The following EYS variants were observed in gnomAD, a reference collection of about 807,000 sequenced individuals.
EYS encodes protein eyes shut homolog.
Under a neutral mutation model 282.1 loss-of-function variants are expected in EYS, and 250 were observed. The ratio of observed to expected loss-of-function variants is 0.89; its 90% confidence interval spans 0.80 to 0.98. The LOEUF (loss-of-function observed/expected upper bound fraction) is 0.98, where lower values mean the gene tolerates loss of function less well. EYS is among the 50% of genes least tolerant of loss of function. The pLI, the probability that EYS is intolerant of heterozygous loss-of-function variation, is 0.00. For missense variants in EYS, 4,016 were observed against 3,709.0 expected (o/e 1.08, Z -2.15); for synonymous variants, 1,355 against 1,282.9 (o/e 1.06, Z -1.20).
chr6:63,804,877 G>C (rs1770864675), intron 37 of EYS, among the ~76,000 whole-genome samples: 1 of 152,210 alleles, frequency 6.6e-6, no homozygotes, highest in African/African-American at 2.4e-5. Context: ...AAGAGGTCAT[G>C]AGGTTTCAGC....
chr6:64,881,122 C>G (rs918867078), intron 19 of EYS, among the ~76,000 whole-genome samples: 1 of 151,722 alleles, frequency 6.6e-6, no homozygotes, highest in Non-Finnish European at 1.5e-5. Context: ...ACAAGTTCAC[C>G]TCATGTCTCA....
At chr6:65,329,705 A>T (rs1454537142) in intron 11 of EYS, 2 of 979,024 alleles carry the variant, frequency 2.0e-6, no homozygotes, top group African/African-American at 3.5e-5. Context: ...CACGGACATC[A>T]CGGCAGAAAT....
intron 22 of EYS, among the ~76,000 whole-genome samples, chr6:64,671,388 C>A (rs1287354368): frequency 5.3e-5 from 8 of 152,080 alleles, no homozygotes; most frequent in Admixed American, 6.6e-5. Context: ...ATTTAAGAAC[C>A]AGAGAGAGAG....
At position 65,427,273 on chromosome 6, in the gene EYS, C is replaced by A. The variant is rs76726601; in HGVS notation, c.863-21906G>T. 3.4e-3 allele frequency among the ~76,000 whole-genome samples: 524 copies of A among 151,996 alleles called. 4 individuals carry two copies. The highest frequency in any genetic ancestry group is 0.011 in the African/African-American group (470 of 41,516). ...ATTTTAGCACATTTCTTGGAAAATT[C>A]TTTTGGAATATTAATTAAAATTATA... On this transcript the variant is annotated intron_variant, in intron 5 of 42. Transcript: ENST00000503581.
chr6:64,525,256 A>G (rs139327741), intron 26 of EYS, among the ~76,000 whole-genome samples: 2,471 of 151,942 alleles, frequency 0.016, 23 homozygotes, highest in South Asian at 0.035. Flanking sequence ...TCACAAGAGC[A>G]AGACATGAAA....
At chr6:64,797,424 A>G (rs914633597) in intron 22 of EYS, among the ~76,000 whole-genome samples, 1 of 152,020 alleles carries the variant, frequency 6.6e-6, no homozygotes, top group Non-Finnish European at 1.5e-5. Context: ...ATGGACCCAT[A>G]CGTTTGAAAT....
At chr6:64,996,087 A>C (rs1408694715) in intron 14 of EYS, among the ~76,000 whole-genome samples, 2 of 152,148 alleles carry the variant, frequency 1.3e-5, no homozygotes, top group Non-Finnish European at 2.9e-5. Flanking sequence ...TAGATGATTT[A>C]CCTGCAAGTA....
intron 29 of EYS, among the ~76,000 whole-genome samples, chr6:64,341,593 C>T (rs556236306): frequency 6.6e-6 from 1 of 151,812 alleles, no homozygotes; most frequent in East Asian, 2.0e-4. Flanking sequence ...CCATTGGGTA[C>T]TATGCTCACT....
intron 31 of EYS, among the ~76,000 whole-genome samples, chr6:64,203,315 T>G (rs375394821): frequency 3.5e-4 from 53 of 152,286 alleles, no homozygotes; most frequent in African/African-American, 1.2e-3. Flanking sequence ...TGGGCAAGCC[T>G]TGGCAGTAGT....
At chr6:64,903,332 A>G (rs998546419) in intron 16 of EYS, among the ~76,000 whole-genome samples, 1 of 152,150 alleles carries the variant, frequency 6.6e-6, no homozygotes, top group African/African-American at 2.4e-5. Context: ...ACATTACACA[A>G]TATTCTAAAT....
intron 2 of EYS, among the ~76,000 whole-genome samples, chr6:65,566,093 A>AT (rs1171770330): frequency 1.0e-5 from 1 of 99,108 alleles, no homozygotes; most frequent in South Asian, 3.2e-4. Flanking sequence ...AACTGAAAGT[A>AT]TTAAAAAAAA....
chr6:64,022,330 G>T (rs571046649), intron 33 of EYS, among the ~76,000 whole-genome samples: 1 of 152,108 alleles, frequency 6.6e-6, no homozygotes, highest in Non-Finnish European at 1.5e-5. Flanking sequence ...TGTCTAAAAT[G>T]TTCTCAGCAC....
At chr6:64,415,574 C>A (rs1023998697) in intron 28 of EYS, among the ~76,000 whole-genome samples, 1 of 152,066 alleles carries the variant, frequency 6.6e-6, no homozygotes, top group African/African-American at 2.4e-5. Flanking sequence ...GAGTCTGAGG[C>A]CCATTCTGAG....
chr6:65,385,333 T>G (rs556172335), intron 7 of EYS, among the ~76,000 whole-genome samples: 2 of 152,070 alleles, frequency 1.3e-5, no homozygotes, highest in East Asian at 3.9e-4. Flanking sequence ...CAAAATAATT[T>G]CATAAAAGGG....
intron 2 of EYS, among the ~76,000 whole-genome samples, chr6:65,620,006 TA>T (rs1766406022): frequency 6.6e-6 from 1 of 152,138 alleles, no homozygotes. Context: ...GATATTGGTC[TA>T]AAATTCTCTT....
intron 26 of EYS, among the ~76,000 whole-genome samples, chr6:64,553,545 A>ACG (rs1491428074): frequency 2.2e-5 from 1 of 46,458 alleles, no homozygotes; most frequent in African/African-American, 6.3e-5. Flanking sequence ...CTTTTGTTTG[A>ACG]CCCCCCCCCC....
At chr6:64,050,972 T>C (rs983345823) in intron 33 of EYS, among the ~76,000 whole-genome samples, 13 of 152,196 alleles carry the variant, frequency 8.5e-5, no homozygotes, top group Non-Finnish European at 1.5e-4. Flanking sequence ...ATCTCACTTT[T>C]GTTATGCATT....
intron 35 of EYS, among the ~76,000 whole-genome samples, chr6:63,866,184 C>T (rs1221498377): frequency 2.0e-5 from 3 of 152,002 alleles, no homozygotes; most frequent in Non-Finnish European, 4.4e-5. Context: ...CTGAGAATAG[C>T]GATAAAAGCA....
At chr6:64,454,229 T>C (rs1321495909) in intron 26 of EYS, among the ~76,000 whole-genome samples, 3 of 152,170 alleles carry the variant, frequency 2.0e-5, no homozygotes, top group Non-Finnish European at 2.9e-5. Context: ...CTCATTATCC[T>C]ATTCCATTTG....
Sources: allele counts gnomAD v4.1 joint callset (sites outside exome capture counted in the v4.1 genomes callset), GRCh38; gene constraint gnomAD v4.1.1; transcripts MANE v1.5; gene names NCBI Gene and HGNC (gene_info 2026-07-23, HGNC 2026-07-21).